The following CDH11 variants were observed in gnomAD, a reference collection of about 807,000 sequenced individuals.
CDH11 encodes cadherin-11.
In CDH11, 11 loss-of-function variants were observed where a neutral mutation model predicts 67.8. The ratio of observed to expected loss-of-function variants is 0.16; its 90% CI spans 0.10 to 0.27. CDH11 has a LOEUF of 0.27. Ranked by LOEUF, CDH11 falls within the 10% of genes least tolerant of loss-of-function variation. The pLI is 1.00. For missense variants in CDH11, 847 were observed against 1,031.2 expected (o/e 0.82, Z 2.45); for synonymous variants, 419 against 400.0 (o/e 1.05, Z -0.57).
intron 11 of CDH11, among the ~76,000 whole-genome samples, chr16:64,967,555 C>G (rs538378501): frequency 6.6e-6 from 1 of 152,268 alleles, no homozygotes; most frequent in Non-Finnish European, 1.5e-5. Flanking sequence ...TACGTACTTA[C>G]AGTCAACTGA....
chr16:65,036,479 A>G (rs1029663881), intron 2 of CDH11, among the ~76,000 whole-genome samples: 1 of 152,128 alleles, frequency 6.6e-6, no homozygotes, highest in Non-Finnish European at 1.5e-5. Flanking sequence ...ACTTTGTGAA[A>G]ATGCCAGAAC....
At chr16:64,967,143 A>G (rs992698176) in intron 11 of CDH11, among the ~76,000 whole-genome samples, 16 of 152,222 alleles carry the variant, frequency 1.1e-4, no homozygotes, top group African/African-American at 3.9e-4. Context: ...GGTATTAAAA[A>G]TGGTATAACA....
chr16:65,089,992 A>C (rs1567572349), intron 1 of CDH11, among the ~76,000 whole-genome samples: 1 of 152,154 alleles, frequency 6.6e-6, no homozygotes, highest in Non-Finnish European at 1.5e-5. Context: ...AATATATGCA[A>C]ATTACAGGAA....
chr16:65,052,625 G>T (rs533221139), intron 2 of CDH11, among the ~76,000 whole-genome samples: 106 of 152,218 alleles, frequency 7.0e-4, no homozygotes, highest in Non-Finnish European at 1.0e-3. Flanking sequence ...AGCTTGTTAA[G>T]AAAAGCTTAT....
chr16:64,998,107 G>A (rs142421261), intron 4 of CDH11, among the ~76,000 whole-genome samples: 1 of 152,306 alleles, frequency 6.6e-6, no homozygotes, highest in Non-Finnish European at 1.5e-5. Context: ...GTGACATAGT[G>A]CTGTGGTTAA....
At chr16:65,110,812 T>C (rs1372118675) in intron 1 of CDH11, among the ~76,000 whole-genome samples, 5 of 152,036 alleles carry the variant, frequency 3.3e-5, no homozygotes, top group Admixed American at 3.3e-4. Flanking sequence ...CCTATAAAGG[T>C]GCTTATTGGG....
chr16:65,063,915 T>C (rs1471949043), intron 1 of CDH11, among the ~76,000 whole-genome samples: 1 of 152,230 alleles, frequency 6.6e-6, no homozygotes, highest in African/African-American at 2.4e-5. Context: ...CCTCCCTTTA[T>C]GAGTGTTCCA....
chr16:65,055,232 A>C (rs2074122919), intron 1 of CDH11, among the ~76,000 whole-genome samples: 1 of 152,104 alleles, frequency 6.6e-6, no homozygotes, highest in Non-Finnish European at 1.5e-5. Flanking sequence ...TAACCCAGAC[A>C]CTCTGATAGG....
In CDH11 at chr16:64,982,244, G is replaced by C. The variant is rs2072372579; in HGVS notation, c.1057C>G (p.His353Asp). ...YSLKVEAANV[H>D]IDPKFISNGP... ...TTGCTGATAAACTTCGGGTCGATGTGCACGTTGGCTGCCTCTACCTTCAAG... is the reference window on the plus strand; with the variant it reads ...TTGCTGATAAACTTCGGGTCGATGTCCACGTTGGCTGCCTCTACCTTCAAG... The change falls in exon 8 of 13, where the codon CAC (histidine) becomes GAC (aspartate). Residue 353 changes from histidine to aspartate, a missense_variant. Coordinates refer to ENST00000268603, the MANE Select transcript of CDH11 (RefSeq NM_001797.4). The C allele has an allele frequency of 6.2e-7, 1 of 1,613,090 alleles. No homozygotes were observed. The highest frequency in any genetic ancestry group is 8.5e-7 in the Non-Finnish European group (1 of 1,179,082).
chr16:65,094,882 T>C (rs1428769178), intron 1 of CDH11: 3 of 151,986 alleles, frequency 2.0e-5, no homozygotes, highest in Non-Finnish European at 4.4e-5. Context: ...CCCGAGACTT[T>C]CCAGCTTGCA....
chr16:65,118,193 G>A (rs918193299), intron 1 of CDH11, among the ~76,000 whole-genome samples: 1 of 152,112 alleles, frequency 6.6e-6, no homozygotes, highest in Non-Finnish European at 1.5e-5. Flanking sequence ...GCAATCTTCC[G>A]CGAAGGAGTC....
chr16:65,069,295 C>T (rs1326602481), intron 1 of CDH11, among the ~76,000 whole-genome samples: 1 of 152,132 alleles, frequency 6.6e-6, no homozygotes, highest in Non-Finnish European at 1.5e-5. Context: ...ACTCCAATTA[C>T]AATAATGTAA....
At chr16:65,055,554 G>A (rs1283707803) in intron 1 of CDH11, among the ~76,000 whole-genome samples, 3 of 152,052 alleles carry the variant, frequency 2.0e-5, no homozygotes, top group Non-Finnish European at 4.4e-5. Flanking sequence ...TATTTCATAG[G>A]TTCACAGCTG....
chr16:64,969,209 G>T (rs1050157179), intron 11 of CDH11, among the ~76,000 whole-genome samples: 1 of 152,168 alleles, frequency 6.6e-6, no homozygotes, highest in Non-Finnish European at 1.5e-5. Flanking sequence ...AGAACAATGT[G>T]TCTTAGTATA....
chr16:65,016,793 G>A (rs905341105), intron 2 of CDH11, among the ~76,000 whole-genome samples: 1 of 152,192 alleles, frequency 6.6e-6, no homozygotes, highest in Non-Finnish European at 1.5e-5. Flanking sequence ...CATAGACAGA[G>A]TAGCAGCATG....
At chr16:65,118,738 GA>G (rs1391530031) in intron 1 of CDH11, 12 of 151,954 alleles carry the variant, frequency 7.9e-5, no homozygotes, top group Admixed American at 2.0e-4. Flanking sequence ...GACAATTCAA[GA>G]AAAAAAGTTT....
At chr16:65,005,872 G>A (rs1455923608) in intron 2 of CDH11, among the ~76,000 whole-genome samples, 1 of 152,180 alleles carries the variant, frequency 6.6e-6, no homozygotes, top group Non-Finnish European at 1.5e-5. Flanking sequence ...CCAAGGTCAT[G>A]TTCCCAGCAC....
At chr16:65,098,214 A>G (rs1244602125) in intron 1 of CDH11, among the ~76,000 whole-genome samples, 1 of 152,136 alleles carries the variant, frequency 6.6e-6, no homozygotes, top group Non-Finnish European at 1.5e-5. Flanking sequence ...AATATTTACT[A>G]TTGAACCTCA....
At chr16:65,115,062 T>C (rs1310830737) in intron 1 of CDH11, among the ~76,000 whole-genome samples, 1 of 152,198 alleles carries the variant, frequency 6.6e-6, no homozygotes, top group Non-Finnish European at 1.5e-5. Flanking sequence ...GGAATAGTAA[T>C]GAGCCCCTTT....
Sources: gnomAD v4.1 joint callset for allele counts (sites outside exome capture counted in the v4.1 genomes callset) on GRCh38, gnomAD v4.1.1 for gene constraint, MANE v1.5 for transcripts, NCBI Gene and HGNC (gene_info 2026-07-23, HGNC 2026-07-21) for gene names.